C7: variants seen among roughly 807,000 people sequenced by gnomAD.
C7 encodes complement component C7.
C7 carries 83 observed loss-of-function variants against 104.8 expected under a neutral mutation model. That is an observed-to-expected ratio of 0.79 (90% CI 0.66 to 0.95). The LOEUF is 0.95. C7 is among the 40% of genes least tolerant of loss of function. The pLI is 0.00. For synonymous variants in C7, 415 were observed against 360.6 expected, an observed-to-expected ratio of 1.15 and a Z score of -1.71; for missense variants, 1,070 against 1,011.2, an observed-to-expected ratio of 1.06 and a Z score of -0.79.
Position 40,982,007 on chromosome 5 carries a change from A to G in C7, c.*434A>G, listed in dbSNP as rs1740958804. ...AGAAAGAACGTGATCTCCTGATTAG[A>G]GAGGGTGGTTTTCCTCAATGGAACC... On this transcript the variant is annotated 3_prime_UTR_variant, in exon 18 of 18. Coordinates refer to ENST00000313164, the MANE Select transcript of C7 (RefSeq NM_000587.4). The G allele has an allele frequency of 6.5e-6, 1 of 154,074 alleles. No individual in the cohort carries two copies. The highest frequency in any genetic ancestry group is 2.4e-5 in the African/African-American group (1 of 41,502). 9.5% of individuals were successfully genotyped at this position (154,074 alleles called of 1,614,324 possible).
chr5:40,950,894 T>C (rs566705073), intron 9 of C7, among the ~76,000 whole-genome samples: 150 of 152,260 alleles, frequency 9.9e-4, no homozygotes, highest in African/African-American at 3.6e-3. Context: ...GAAGGAGGAC[T>C]GAAAGGGTAA....
In C7 at chr5:40,947,504, T is replaced by G. The variant is rs551540487; in HGVS notation, c.739-98T>G. 7 of 1,328,500 alleles carry G rather than the reference T, an allele frequency of 5.3e-6. No homozygotes were observed. The East Asian group carries it at 1.4e-4, about 27-fold the overall frequency. 82.3% of individuals were successfully genotyped at this position (1,328,500 alleles called of 1,614,324 possible). A position where few individuals can be genotyped will look rare whatever the true frequency, so the allele number is the denominator to read the frequency against. On this transcript the variant is annotated intron_variant, in intron 7 of 17. Coordinates refer to ENST00000313164, the MANE Select transcript of C7 (RefSeq NM_000587.4). ...AAAAATTCTTGTAGTCTTGGTTGATTGGAGATGAGAGCTGATGAAGGTATT... is the reference window on the plus strand; with the variant it reads ...AAAAATTCTTGTAGTCTTGGTTGATGGGAGATGAGAGCTGATGAAGGTATT...
chr5:40,928,895 G>A (rs1006192544), intron 2 of C7, among the ~76,000 whole-genome samples: 2 of 152,018 alleles, frequency 1.3e-5, no homozygotes, highest in Non-Finnish European at 2.9e-5. Context: ...TCTCAGTGCC[G>A]TGGTTTTATC....
At chr5:40,940,455 C>T (rs1739912578) in intron 6 of C7, among the ~76,000 whole-genome samples, 1 of 152,128 alleles carries the variant, frequency 6.6e-6, no homozygotes, top group Non-Finnish European at 1.5e-5. Context: ...GAATTATGAT[C>T]AAGGTGGAAA....
At chr5:40,909,679 A>G in intron 1 of C7, 63 bp downstream of exon 1, 1 of 1,266,118 alleles carries the variant, frequency 7.9e-7, no homozygotes, top group Admixed American at 1.9e-5. Context: ...CGGGGGTAAT[A>G]TAAATGTAAT....
intron 9 of C7, among the ~76,000 whole-genome samples, chr5:40,953,596 G>C (rs1162702858): frequency 7.6e-6 from 1 of 131,480 alleles, no homozygotes; most frequent in East Asian, 2.3e-4. Context: ...AGCTGAGATA[G>C]TGCCACTGCA....
Position 40,959,464 on chromosome 5 carries a change from G to C in C7, c.1505G>C (p.Gly502Ala). The C allele has an allele frequency of 6.2e-7, 1 of 1,610,910 alleles. No individual in the cohort carries two copies. ...CATCTTGTAGGAGGGGTTGATGGAG[G>C]TTGGAGTTGCTGGTCCTCTTGGAGC... is the stretch of plus-strand genomic sequence containing the variant. The part of the protein sequence containing the change: ...VGNQAGGVDG[G>A]WSCWSSWSPC... Residue 502 changes from glycine to alanine, a missense_variant, in exon 12 of 18, where the codon GGT (glycine) becomes GCT (alanine). Gly to Ala is a moderately conservative substitution (Grantham distance 60, BLOSUM62 0). Transcript: ENST00000313164.
At chr5:40,952,472 A>G (rs1740191690) in intron 9 of C7, among the ~76,000 whole-genome samples, 1 of 116,306 alleles carries the variant, frequency 8.6e-6, no homozygotes. Flanking sequence ...TAGAATCTGT[A>G]ATTCTTTTTA....
chr5:40,965,627 GAT>G (rs376480588), intron 14 of C7, among the ~76,000 whole-genome samples: 11 of 123,042 alleles, frequency 8.9e-5, no homozygotes, highest in African/African-American at 1.4e-4. Flanking sequence ...AGTGTATAGT[GAT>G]ATATATATAT....
intron 14 of C7, among the ~76,000 whole-genome samples, chr5:40,966,919 T>C (rs1030405235): frequency 6.6e-6 from 1 of 152,186 alleles, no homozygotes; most frequent in Non-Finnish European, 1.5e-5. Flanking sequence ...AAATAGAATA[T>C]GAATATGAAT....
intron 9 of C7, among the ~76,000 whole-genome samples, chr5:40,953,496 C>G (rs1413038844): frequency 2.6e-5 from 4 of 152,018 alleles, no homozygotes; most frequent in African/African-American, 9.7e-5. Context: ...CAAAAATTAG[C>G]TGGGTGTGGT....
At chr5:40,948,579 C>G (rs528103277) in intron 8 of C7, among the ~76,000 whole-genome samples, 1 of 152,184 alleles carries the variant, frequency 6.6e-6, no homozygotes, top group South Asian at 2.1e-4. Context: ...CAGGACATAC[C>G]CCTGAATTAA....
At chr5:40,958,647 G>T (rs546221417) in intron 11 of C7, among the ~76,000 whole-genome samples, 88 of 152,200 alleles carry the variant, frequency 5.8e-4, no homozygotes, top group African/African-American at 2.0e-3. Context: ...TTTCTATTCT[G>T]TGTGATGTAC....
intron 10 of C7, 149 bp from the exon 11 acceptor site, chr5:40,957,884 T>G (rs950174903): frequency 3.8e-6 from 2 of 532,028 alleles, no homozygotes; most frequent in Non-Finnish European, 3.2e-6. Flanking sequence ...GAGTGCACTG[T>G]TTTCCTTTGT....
chr5:40,938,874 T>C lies in C7; in HGVS notation c.567+1184T>C, dbSNP rs187679148. On this transcript the variant is annotated intron_variant, in intron 6 of 17. Coordinates refer to ENST00000313164, the MANE Select transcript of C7 (RefSeq NM_000587.4). ...GAAGGAAGATAGAGGAGAGATTTTC[T>C]GTTGCAGTAATGCAAACATGTTGAA... is the stretch of plus-strand genomic sequence containing the variant. Among the ~76,000 whole-genome samples, 119 of 152,348 alleles carry C rather than the reference T, an allele frequency of 7.8e-4. 1 individual carries two copies. Among genetic ancestry groups the C allele is most frequent in the African/African-American group, 2.8e-3 (116 of 41,580 alleles).
At chr5:40,975,981 A>G (rs1277286624) in intron 15 of C7, among the ~76,000 whole-genome samples, 1 of 152,230 alleles carries the variant, frequency 6.6e-6, no homozygotes, top group African/African-American at 2.4e-5. Flanking sequence ...GATCATTCCC[A>G]TTGCAATCAG....
In C7 at chr5:40,931,051, G is replaced by T; in HGVS notation, c.63-13G>T. 3 of 1,596,248 alleles carry T rather than the reference G, an allele frequency of 1.9e-6. No individual in the cohort carries two copies. In the South Asian group the frequency reaches 3.3e-5, roughly 18 times the overall value. Reference sequence around the variant, plus strand: ...CCACCTGCTTTATGATGGACAATTTGACACTGTGGCAGTGCCTCCTCTCCA... The same window carrying T: ...CCACCTGCTTTATGATGGACAATTTTACACTGTGGCAGTGCCTCCTCTCCA... On this transcript the variant is annotated splice_polypyrimidine_tract_variant and intron_variant, in intron 2 of 17. Transcript: ENST00000313164.
chr5:40,962,182 GA>G lies in C7; in HGVS notation c.1749+13del. On this transcript the variant is annotated intron_variant, in intron 13 of 17. Coordinates refer to ENST00000313164, the MANE Select transcript of C7 (RefSeq NM_000587.4). ...AGATGGATTTGTTCAAGTTGGTTAT[GA>G]AAGATATTTTTTTCCTTTATAATGC... The G allele has an allele frequency of 6.7e-7, 1 of 1,498,652 alleles. No homozygotes were observed. Among genetic ancestry groups the G allele is most frequent in the Non-Finnish European group, 9.1e-7 (1 of 1,100,340 alleles). 92.8% of individuals were successfully genotyped at this position (1,498,652 alleles called of 1,614,324 possible). A position where few individuals can be genotyped will look rare whatever the true frequency, so the allele number is the denominator to read the frequency against.
chr5:40,975,390 G>T (rs1170152681), intron 15 of C7, among the ~76,000 whole-genome samples: 9 of 145,722 alleles, frequency 6.2e-5, no homozygotes, highest in Admixed American at 1.4e-4. Context: ...TTGAGACAAG[G>T]TCTCGCTTGT....
Sources: allele counts gnomAD v4.1 joint callset (sites outside exome capture counted in the v4.1 genomes callset), GRCh38; gene constraint gnomAD v4.1.1; transcripts MANE v1.5; gene names NCBI Gene and HGNC (gene_info 2026-07-23, HGNC 2026-07-21).